Variants in PRKN observed in about 807,000 individuals in gnomAD.
PRKN encodes E3 ubiquitin-protein ligase parkin.
PRKN carries 56 observed loss-of-function variants against 59.5 expected under a neutral mutation model. The ratio of observed to expected loss-of-function variants is 0.94; its 90% CI spans 0.76 to 1.18. PRKN has a LOEUF of 1.18. Among genes scored for constraint, PRKN ranks in the 50% most tolerant of loss-of-function variants. The pLI is 0.00. For missense variants in PRKN, 657 were observed against 596.4 expected, an observed-to-expected ratio of 1.10 and a Z score of -1.06; for synonymous variants, 250 against 222.1, an observed-to-expected ratio of 1.13 and a Z score of -1.12.
intron 9 of PRKN, among the ~76,000 whole-genome samples, chr6:161,522,418 G>C (rs570527620): frequency 6.6e-6 from 1 of 152,296 alleles, no homozygotes; most frequent in East Asian, 1.9e-4. Context: ...ACCTCTGATG[G>C]TTTCTTAGAC....
chr6:162,432,932 A>C (rs1789606812), intron 2 of PRKN, among the ~76,000 whole-genome samples: 1 of 152,206 alleles, frequency 6.6e-6, no homozygotes, highest in Non-Finnish European at 1.5e-5. Context: ...AGTAAACTCC[A>C]TTAGAATAGA....
intron 1 of PRKN, among the ~76,000 whole-genome samples, chr6:162,602,088 T>C (rs938387322): frequency 3.3e-5 from 5 of 152,212 alleles, no homozygotes; most frequent in Non-Finnish European, 4.4e-5. Flanking sequence ...CCCCATGTCA[T>C]AAATGCTAGG....
intron 9 of PRKN, among the ~76,000 whole-genome samples, chr6:161,412,090 C>T (rs913426833): frequency 2.0e-5 from 3 of 150,212 alleles, no homozygotes; most frequent in African/African-American, 7.4e-5. Flanking sequence ...TCCTTCCTCA[C>T]TCATTCCTCC....
rs138029355 is a variant in PRKN, at chr6:161,873,518, G to A, written c.735-87610C>T. Among the ~76,000 whole-genome samples the A allele has an allele frequency of 5.1e-3, 774 of 151,890 alleles. 8 individuals are homozygous for A. The highest frequency in any genetic ancestry group is 0.018 in the African/African-American group (740 of 41,436). On this transcript the variant is annotated intron_variant, in intron 6 of 11. Transcript: ENST00000366898. ...CGAGGAATGGAAAGGAAAATCGCCG[G>A]TAGCATCCACCGCGCATCAGACACG... is the stretch of plus-strand genomic sequence containing the variant.
At chr6:162,096,848 ATTTTTTTTT>A (rs71004079) in intron 4 of PRKN, among the ~76,000 whole-genome samples, 26 of 49,202 alleles carry the variant, frequency 5.3e-4, no homozygotes, top group African/African-American at 2.0e-3. Flanking sequence ...TACAGCTGGA[ATTTTTTTTT>A]TTTTTTTTTT....
At chr6:161,515,211 G>A (rs530661328) in intron 9 of PRKN, among the ~76,000 whole-genome samples, 9 of 152,146 alleles carry the variant, frequency 5.9e-5, no homozygotes, top group South Asian at 2.1e-4. Context: ...TAGTACCAAC[G>A]AGAAATCAGC....
intron 1 of PRKN, among the ~76,000 whole-genome samples, chr6:162,658,094 C>G (rs1196569241): frequency 6.6e-6 from 1 of 152,168 alleles, no homozygotes; most frequent in Non-Finnish European, 1.5e-5. Flanking sequence ...ACAACATCCC[C>G]AAATTCCACA....
intron 2 of PRKN, among the ~76,000 whole-genome samples, chr6:162,368,779 T>C (rs1785592088): frequency 1.3e-5 from 2 of 152,174 alleles, no homozygotes; most frequent in South Asian, 4.1e-4. Flanking sequence ...TTCAAATATT[T>C]TCTCTAATTG....
intron 1 of PRKN, among the ~76,000 whole-genome samples, chr6:162,555,706 T>C (rs1779534358): frequency 6.6e-6 from 1 of 151,960 alleles, no homozygotes; most frequent in African/African-American, 2.4e-5. Flanking sequence ...TTCTAAAGAA[T>C]GAATTCAAGG....
intron 6 of PRKN, among the ~76,000 whole-genome samples, chr6:161,848,091 C>G (rs1470611758): frequency 6.6e-6 from 1 of 152,180 alleles, no homozygotes; most frequent in Non-Finnish European, 1.5e-5. Flanking sequence ...CCCAGGCTGT[C>G]CCACTGGATG....
chr6:161,415,713 G>T (rs982616460), intron 9 of PRKN, among the ~76,000 whole-genome samples: 1 of 150,562 alleles, frequency 6.6e-6, no homozygotes, highest in Non-Finnish European at 1.5e-5. Context: ...CCCCTCCTGA[G>T]CTTCGTCCCA....
intron 1 of PRKN, among the ~76,000 whole-genome samples, chr6:162,638,301 G>A (rs1777819669): frequency 1.3e-5 from 2 of 151,962 alleles, no homozygotes; most frequent in African/African-American, 4.8e-5. Flanking sequence ...AAGCCTAAGA[G>A]TTTTTTTCCC....
At chr6:161,930,261 A>G (rs564918806) in intron 6 of PRKN, among the ~76,000 whole-genome samples, 4 of 152,342 alleles carry the variant, frequency 2.6e-5, no homozygotes, top group East Asian at 3.9e-4. Flanking sequence ...AAAAAAATTT[A>G]TAAGTTAATA....
intron 2 of PRKN, among the ~76,000 whole-genome samples, chr6:162,339,290 T>G (rs1420610666): frequency 2.2e-4 from 16 of 73,290 alleles, no homozygotes; most frequent in South Asian, 5.1e-4. Context: ...GGGAGGGAGG[T>G]GGGGGGGTCA....
chr6:162,727,348 G>T, intron 1 of PRKN: 1 of 423,308 alleles, frequency 2.4e-6, no homozygotes, highest in Non-Finnish European at 4.2e-6. Flanking sequence ...AAGGCTTCGG[G>T]ACCCCACACG....
intron 4 of PRKN, among the ~76,000 whole-genome samples, chr6:162,169,980 G>A (rs1242264564): frequency 6.6e-6 from 1 of 152,112 alleles, no homozygotes; most frequent in African/African-American, 2.4e-5. Flanking sequence ...GAATATCCTC[G>A]AGTAGGAAAA....
chr6:161,934,857 G>T (rs1583368202), intron 6 of PRKN, among the ~76,000 whole-genome samples: 1 of 151,980 alleles, frequency 6.6e-6, no homozygotes, highest in East Asian at 1.9e-4. Context: ...GAAGTTTCAG[G>T]ATGTTTTTTT....
chr6:162,407,038 A>G (rs1340196244), intron 2 of PRKN, among the ~76,000 whole-genome samples: 1 of 152,156 alleles, frequency 6.6e-6, no homozygotes, highest in African/African-American at 2.4e-5. Context: ...TTACTAGATC[A>G]TGTGATCTAA....
At chr6:162,563,784 C>G (rs1562389165) in intron 1 of PRKN, among the ~76,000 whole-genome samples, 1 of 151,984 alleles carries the variant, frequency 6.6e-6, no homozygotes, top group East Asian at 1.9e-4. Flanking sequence ...CACAGAGAAG[C>G]AACTCATAAT....
Sources: gnomAD v4.1 joint callset for allele counts (sites outside exome capture counted in the v4.1 genomes callset) on GRCh38, gnomAD v4.1.1 for gene constraint, MANE v1.5 for transcripts, NCBI Gene and HGNC (gene_info 2026-07-23, HGNC 2026-07-21) for gene names.